Variants in MYO3B observed in about 807,000 individuals in gnomAD.
MYO3B encodes myosin IIIB.
In MYO3B, 156 loss-of-function variants were observed where a neutral mutation model predicts 174.6. The observed-to-expected ratio is 0.89, with a 90% CI of 0.78 to 1.02. The LOEUF (loss-of-function observed/expected upper bound fraction) is 1.02. Among genes scored for constraint, MYO3B ranks in the 50% least tolerant of loss-of-function variants. The probability of loss-of-function intolerance (pLI) is 0.00; values close to 1 mark genes in which losing one functional copy is unlikely to be tolerated. For missense variants in MYO3B, 1,632 were observed against 1,639.4 expected, an observed-to-expected ratio of 1.00 and a Z score of 0.08; for synonymous variants, 563 against 569.1, an observed-to-expected ratio of 0.99 and a Z score of 0.15.
At chr2:170,381,247 G>T (rs1207248065) in intron 9 of MYO3B, among the ~76,000 whole-genome samples, 2 of 152,118 alleles carry the variant, frequency 1.3e-5, no homozygotes, top group African/African-American at 4.8e-5. Flanking sequence ...GAACTAGGTA[G>T]GTAGGTAAGT....
intron 7 of MYO3B, among the ~76,000 whole-genome samples, chr2:170,305,089 T>G (rs1347517262): frequency 1.3e-5 from 2 of 152,136 alleles, no homozygotes; most frequent in African/African-American, 4.8e-5. Context: ...TTTAGAAATT[T>G]AGATTTCTAG....
chr2:170,293,760 C>G lies in MYO3B; in HGVS notation c.750-41625C>G, dbSNP rs185776652. Reference sequence around the variant, plus strand: ...CTCCCCTGATTGAAAGGAAATTTCCCTTTCTTTAGAGTTTTAGCTGACAGT... The same window carrying G: ...CTCCCCTGATTGAAAGGAAATTTCCGTTTCTTTAGAGTTTTAGCTGACAGT... On this transcript the variant is annotated intron_variant, in intron 7 of 34. Coordinates refer to ENST00000408978, the MANE Select transcript of MYO3B (RefSeq NM_138995.5). 4.9e-4 allele frequency among the ~76,000 whole-genome samples: 75 copies of G among 152,036 alleles called. No homozygotes were observed. The East Asian group carries it at 0.014, about 28-fold the overall frequency.
At position 170,542,966 on chromosome 2, in the gene MYO3B, G is replaced by C; in HGVS notation, c.3636G>C (p.Lys1212Asn). The C allele has an allele frequency of 6.2e-7, 1 of 1,608,000 alleles. No individual in the cohort carries two copies. The highest frequency in any genetic ancestry group is 8.5e-7 in the Non-Finnish European group (1 of 1,176,570). Residue 1212 changes from lysine (K) to asparagine (N), a missense_variant and splice_region_variant, in exon 31 of 35, where the codon AAG becomes AAC. Lys to Asn is a moderately conservative substitution (Grantham distance 94). Transcript: ENST00000408978. ...GCDIFAGHAN[K>N]HSVSGTDLLS... ...ATATCTTCGCAGGACATGCAAACAA[G>C]GTAGCTGGATATCTTGATTCCAAAG...
At chr2:170,585,629 G>A (rs906823044) in intron 32 of MYO3B, among the ~76,000 whole-genome samples, 7 of 152,086 alleles carry the variant, frequency 4.6e-5, no homozygotes, top group South Asian at 4.1e-4. Flanking sequence ...TAGGGGTACC[G>A]TTTGTGGGCA....
In MYO3B at chr2:170,530,779, T is replaced by C. The variant is rs370406760; in HGVS notation, c.3575+11239T>C. Among the ~76,000 whole-genome samples the C allele has an allele frequency of 6.6e-5, 10 of 152,192 alleles. No individual in the cohort carries two copies. The East Asian group carries it at 1.7e-3, about 26-fold the overall frequency. The stretch of plus-strand genomic sequence containing the variant: ...TACTAGCATGAAGCATCCTTTCACC[T>C]AAGCTCATTCTCAGAATCTGAAACT... On this transcript the variant is annotated intron_variant, in intron 30 of 34. Transcript: ENST00000408978.
At chr2:170,361,587 G>A (rs772289524) in intron 8 of MYO3B, among the ~76,000 whole-genome samples, 1 of 152,232 alleles carries the variant, frequency 6.6e-6, no homozygotes, top group Non-Finnish European at 1.5e-5. Context: ...ATAAGAAGGA[G>A]GTGCCAAGAA....
At position 170,311,093 on chromosome 2, in the gene MYO3B, G is replaced by A. The variant is rs150855463; in HGVS notation, c.750-24292G>A. Among the ~76,000 whole-genome samples the A allele has an allele frequency of 2.2e-4, 34 of 152,264 alleles. No individual in the cohort carries two copies. In the East Asian group the frequency reaches 5.8e-3, roughly 26 times the overall value. ...AGTGTTACTGTGAACATGCATGTGT[G>A]TATGCTTGTTTGAATACCTGTTTTC... On this transcript the variant is annotated intron_variant, in intron 7 of 34. Coordinates refer to ENST00000408978, the MANE Select transcript of MYO3B (RefSeq NM_138995.5).
At chr2:170,609,700 G>A (rs1477247945) in intron 32 of MYO3B, among the ~76,000 whole-genome samples, 2 of 152,216 alleles carry the variant, frequency 1.3e-5, no homozygotes, top group African/African-American at 2.4e-5. Flanking sequence ...GACATTATCA[G>A]TGCTGGTAAG....
chr2:170,418,715 T>A (rs1033230283), intron 22 of MYO3B, among the ~76,000 whole-genome samples: 2 of 151,836 alleles, frequency 1.3e-5, no homozygotes, highest in Middle Eastern at 3.2e-3. Context: ...CTGGGCCACC[T>A]GGGGGCAAAG....
At chr2:170,377,922 G>T (rs945077991) in intron 9 of MYO3B, among the ~76,000 whole-genome samples, 14 of 152,050 alleles carry the variant, frequency 9.2e-5, no homozygotes, top group Admixed American at 3.9e-4. Flanking sequence ...GTAGCTTTTA[G>T]TTGGAGATCT....
intron 22 of MYO3B, among the ~76,000 whole-genome samples, chr2:170,413,931 T>C (rs1430269023): frequency 1.3e-5 from 2 of 151,678 alleles, no homozygotes; most frequent in East Asian, 2.0e-4. Context: ...TCCCAGCTAC[T>C]TGGGAGGCTG....
At chr2:170,647,922 C>T (rs1163227109) in intron 32 of MYO3B, 2 of 152,128 alleles carry the variant, frequency 1.3e-5, no homozygotes, top group Non-Finnish European at 2.9e-5. Context: ...TCTAGTTGAA[C>T]CCAAAAACTT....
At chr2:170,275,136 A>G (rs1219781661) in intron 7 of MYO3B, among the ~76,000 whole-genome samples, 2 of 152,186 alleles carry the variant, frequency 1.3e-5, no homozygotes, top group Non-Finnish European at 2.9e-5. Flanking sequence ...TTGCCTAACT[A>G]CTAACTATTT....
intron 17 of MYO3B, among the ~76,000 whole-genome samples, chr2:170,400,653 C>CCG (rs2094469456): frequency 2.1e-5 from 3 of 140,702 alleles, no homozygotes; most frequent in African/African-American, 8.0e-5. Flanking sequence ...TCCACCCCCC[C>CCG]CCCCTCGGCC....
intron 32 of MYO3B, among the ~76,000 whole-genome samples, chr2:170,634,426 C>A (rs559341745): frequency 1.9e-3 from 282 of 152,214 alleles, no homozygotes; most frequent in African/African-American, 4.5e-3. Flanking sequence ...ATGTAGAAAG[C>A]GGAAACTGGA....
intron 7 of MYO3B, among the ~76,000 whole-genome samples, chr2:170,327,182 C>T (rs578057695): frequency 3.3e-5 from 5 of 152,270 alleles, no homozygotes; most frequent in South Asian, 2.1e-4. Flanking sequence ...GTCAGGAGAT[C>T]GAGACCATCC....
intron 9 of MYO3B, among the ~76,000 whole-genome samples, chr2:170,370,806 T>G (rs1306200323): frequency 3.3e-5 from 5 of 152,158 alleles, no homozygotes; most frequent in African/African-American, 1.2e-4. Context: ...GGATTTGCCA[T>G]GGAATGATTT....
Position 170,463,453 on chromosome 2 carries a change from GTCT to G in MYO3B, c.2808+13_2808+15del. 1 of 1,613,240 alleles carries G rather than the reference GTCT, an allele frequency of 6.2e-7. No homozygotes were observed. The highest frequency in any genetic ancestry group is 8.5e-7 in the Non-Finnish European group (1 of 1,179,512). On this transcript the variant is annotated intron_variant, in intron 24 of 34. Coordinates refer to ENST00000408978, the MANE Select transcript of MYO3B (RefSeq NM_138995.5). ...GTGGCTTCTTACTTCCGGGTATGGA[GTCT>G]TCTTGATCTCTATTCTGCCTGCTTC... is the stretch of plus-strand genomic sequence containing the variant.
rs1446108214 is a variant in MYO3B at position 170,654,090 on chromosome 2, A to G, written c.*969A>G. 3.3e-5 allele frequency: 5 copies of G among 152,178 alleles called. No homozygotes were observed. Among genetic ancestry groups the G allele is most frequent in the African/African-American group, 1.2e-4 (5 of 41,426 alleles). 9.4% of individuals were successfully genotyped at this position (152,178 alleles called of 1,614,324 possible). On this transcript the variant is annotated 3_prime_UTR_variant, in exon 35 of 35. Transcript: ENST00000408978. ...TGACAGGAATGTTACCTTCAATTGTATGTTACATATGATTAGTCACTTTTC... is the reference window on the plus strand; with the variant it reads ...TGACAGGAATGTTACCTTCAATTGTGTGTTACATATGATTAGTCACTTTTC...
Sources: allele counts gnomAD v4.1 joint callset (sites outside exome capture counted in the v4.1 genomes callset), GRCh38; gene constraint gnomAD v4.1.1; transcripts MANE v1.5; gene names NCBI Gene and HGNC (gene_info 2026-07-23, HGNC 2026-07-21).